MVB12B: variants seen among roughly 807,000 people sequenced by gnomAD.
The protein encoded by MVB12B is multivesicular body subunit 12B.
Under a neutral mutation model 41.6 loss-of-function variants are expected in MVB12B, and 16 were observed. That is an observed-to-expected ratio of 0.38 (90% CI 0.26 to 0.58). The LOEUF is 0.58. Among genes scored for constraint, MVB12B ranks in the 20% least tolerant of loss-of-function variants. The pLI, the probability that MVB12B is intolerant of heterozygous loss-of-function variation, is 0.62. For synonymous variants in MVB12B, 133 were observed against 139.7 expected, an observed-to-expected ratio of 0.95 and a Z score of 0.34; for missense variants, 274 against 380.2, an observed-to-expected ratio of 0.72 and a Z score of 2.32.
intron 2 of MVB12B, among the ~76,000 whole-genome samples, chr9:126,353,463 C>T (rs1829805033): frequency 2.0e-5 from 3 of 152,156 alleles, no homozygotes; most frequent in Admixed American, 2.0e-4. Context: ...GGTTAAGTTA[C>T]TTTACCTCTT....
rs563835125 is a variant in MVB12B, at chr9:126,386,791, C to T, written c.409+133C>T. ...CTTACTACATGCCCATGAACAAACC[C>T]TGCTGCTTTTGATGTGTGTCTGGCT... On this transcript the variant is annotated intron_variant, in intron 4 of 9. Transcript: ENST00000361171. The surrounding 1 kb of genome is among the most constrained non-coding windows in gnomAD (Gnocchi z 4.3). 1 of 651,896 alleles carries T rather than the reference C, an allele frequency of 1.5e-6. No individual in the cohort carries two copies. The highest frequency in any genetic ancestry group is 2.8e-5 in the East Asian group (1 of 35,964). The allele number at this position is 651,896 out of a possible 1,614,324, so 40.4% of individuals were successfully genotyped here.
At chr9:126,458,194 T>C (rs1403831233) in intron 7 of MVB12B, among the ~76,000 whole-genome samples, 1 of 152,164 alleles carries the variant, frequency 6.6e-6, no homozygotes, top group African/African-American at 2.4e-5. Context: ...CACCTGGTTC[T>C]GTTACTCGCC....
At chr9:126,411,042 C>A (rs1831634002) in intron 6 of MVB12B, among the ~76,000 whole-genome samples, 1 of 152,086 alleles carries the variant, frequency 6.6e-6, no homozygotes, top group South Asian at 2.1e-4. Context: ...CACACGCCAC[C>A]ACGCCCGGCT....
intron 7 of MVB12B, among the ~76,000 whole-genome samples, chr9:126,475,977 T>G (rs1028993784): frequency 2.1e-4 from 27 of 126,384 alleles, no homozygotes; most frequent in African/African-American, 7.1e-4. Context: ...TCTCTGTCAC[T>G]TGACCAGACA....
rs564831632 is a variant in MVB12B, at chr9:126,434,080, A to G, written c.757+12132A>G. On this transcript the variant is annotated intron_variant, in intron 7 of 9. Coordinates refer to ENST00000361171, the MANE Select transcript of MVB12B (RefSeq NM_033446.3). ...GCATTTAACTGCTGACATTAGGACA[A>G]AAGAAATTCCGATCTTTTTTAGAAC... 3.9e-5 allele frequency among the ~76,000 whole-genome samples: 6 copies of G among 152,340 alleles called. 1 individual carries two copies. The South Asian group carries it at 1.2e-3, about 32-fold the overall frequency.
At position 126,490,499 on chromosome 9, in the gene MVB12B, CAGAAACCACAGT is replaced by C. The variant is rs571883017; in HGVS notation, c.873+6468_873+6479del. Among the ~76,000 whole-genome samples the C allele has an allele frequency of 5.3e-3, 812 of 152,348 alleles. 3 individuals carry two copies. The highest frequency in any genetic ancestry group is 9.4e-3 in the Non-Finnish European group (641 of 68,042). ...CGTTTCTATCAGCTGCCAACCTCAG[CAGAAACCACAGT>C]GCTCCCCGTTCCCTTCCAGGAGTGC... is the stretch of plus-strand genomic sequence containing the variant. On this transcript the variant is annotated intron_variant, in intron 9 of 9. Transcript: ENST00000361171.
intron 2 of MVB12B, among the ~76,000 whole-genome samples, chr9:126,363,056 G>A (rs954984548): frequency 9.2e-5 from 14 of 151,896 alleles, no homozygotes; most frequent in Non-Finnish European, 1.3e-4. Context: ...GTGTAGTGGC[G>A]GGCGCCTGTA....
chr9:126,404,206 C>T (rs553747150), intron 6 of MVB12B, among the ~76,000 whole-genome samples: 2 of 152,230 alleles, frequency 1.3e-5, no homozygotes, highest in South Asian at 2.1e-4. Context: ...CCGCCTGCCT[C>T]GACCTCCCAA....
In MVB12B at chr9:126,391,650, C is replaced by T. The variant is rs534358492; in HGVS notation, c.410-416C>T. Among the ~76,000 whole-genome samples, 3 of 152,262 alleles carry T rather than the reference C, an allele frequency of 2.0e-5. No individual in the cohort carries two copies. Among genetic ancestry groups the T allele is most frequent in the South Asian group, 4.2e-4 (2 of 4,818 alleles). On this transcript the variant is annotated intron_variant, in intron 4 of 9. Coordinates refer to ENST00000361171, the MANE Select transcript of MVB12B (RefSeq NM_033446.3). The surrounding 1 kb of genome is among the most constrained non-coding windows in gnomAD (Gnocchi z 4.4). ...GCATTGACACTGGGTGACGGGAACA[C>T]GTGGATTCATTCCACTGTTCTCTCT...
chr9:126,369,657 TG>T (rs1406963551), intron 2 of MVB12B, among the ~76,000 whole-genome samples: 4 of 152,164 alleles, frequency 2.6e-5, no homozygotes, highest in Admixed American at 1.3e-4. Flanking sequence ...TTTTTTTGTT[TG>T]TTTTTTTGTT....
chr9:126,348,474 A>G (rs963057773), intron 2 of MVB12B, among the ~76,000 whole-genome samples: 1 of 152,200 alleles, frequency 6.6e-6, no homozygotes, highest in Non-Finnish European at 1.5e-5. Context: ...CTGGTTGCAG[A>G]GGAGCTGGTC....
At chr9:126,471,619 G>C (rs907397819) in intron 7 of MVB12B, among the ~76,000 whole-genome samples, 2 of 152,112 alleles carry the variant, frequency 1.3e-5, no homozygotes, top group African/African-American at 4.8e-5. Context: ...AGCAAAACAG[G>C]CTCCGTGTTT....
intron 2 of MVB12B, among the ~76,000 whole-genome samples, chr9:126,341,763 A>AG (rs956978538): frequency 3.3e-5 from 5 of 152,302 alleles, no homozygotes; most frequent in African/African-American, 1.2e-4. Flanking sequence ...CTCCTCCCCC[A>AG]GTGGTGACAA....
intron 9 of MVB12B, among the ~76,000 whole-genome samples, chr9:126,490,380 G>A (rs560528380): frequency 6.6e-6 from 1 of 152,166 alleles, no homozygotes; most frequent in Non-Finnish European, 1.5e-5. Flanking sequence ...TTAACTACCC[G>A]CAAGCCTTGT....
At chr9:126,349,123 A>G (rs905411392) in intron 2 of MVB12B, among the ~76,000 whole-genome samples, 3 of 152,094 alleles carry the variant, frequency 2.0e-5, no homozygotes, top group African/African-American at 7.2e-5. Flanking sequence ...CGAGCCAGGA[A>G]GGGCAGTGTC....
At chr9:126,347,830 G>A (rs772852883) in intron 2 of MVB12B, among the ~76,000 whole-genome samples, 16 of 152,224 alleles carry the variant, frequency 1.1e-4, no homozygotes, top group African/African-American at 2.4e-4. Context: ...GGCATATCCC[G>A]TCTGAGCACA....
chr9:126,431,294 G>C (rs188345013), intron 7 of MVB12B, among the ~76,000 whole-genome samples: 2 of 152,164 alleles, frequency 1.3e-5, no homozygotes, highest in African/African-American at 2.4e-5. Context: ...GCTATTTTCC[G>C]TGGCAAGCAG....
chr9:126,412,529 G>A (rs1261301336), intron 6 of MVB12B, among the ~76,000 whole-genome samples: 3 of 152,130 alleles, frequency 2.0e-5, no homozygotes, highest in South Asian at 2.1e-4. Context: ...GCTTTCATAC[G>A]TGTGTCTCTT....
intron 6 of MVB12B, among the ~76,000 whole-genome samples, chr9:126,402,302 G>T (rs1042078106): frequency 7.9e-5 from 12 of 152,162 alleles, no homozygotes; most frequent in Non-Finnish European, 1.6e-4. Flanking sequence ...TTGGGGGCAG[G>T]TGAGCTAAGC....
Sources: allele counts gnomAD v4.1 joint callset (sites outside exome capture counted in the v4.1 genomes callset), GRCh38; gene constraint gnomAD v4.1.1; non-coding constraint Gnocchi (gnomAD v3.1); transcripts MANE v1.5; gene names NCBI Gene and HGNC (gene_info 2026-07-23, HGNC 2026-07-21).